PLEKHA7: variants seen among roughly 807,000 people sequenced by gnomAD.
PLEKHA7 encodes the protein pleckstrin homology domain containing A7, also known as pleckstrin homology domain-containing family A member 7.
PLEKHA7 carries 104 observed loss-of-function variants against 170.0 expected under a neutral mutation model. The observed-to-expected ratio is 0.61, with a 90% confidence interval of 0.52 to 0.72. The LOEUF is 0.72. PLEKHA7 is among the 30% of genes least tolerant of loss of function. The pLI is 0.00. For missense variants in PLEKHA7, 1,615 were observed against 1,671.7 expected, an observed-to-expected ratio of 0.97 and a Z score of 0.59; for synonymous variants, 648 against 660.8, an observed-to-expected ratio of 0.98 and a Z score of 0.30.
intron 4 of PLEKHA7, among the ~76,000 whole-genome samples, chr11:16,869,222 G>A (rs943375810): frequency 1.3e-5 from 2 of 152,148 alleles, no homozygotes; most frequent in African/African-American, 4.8e-5. Flanking sequence ...TAGTATTAAT[G>A]CTTCCAAAGT....
chr11:16,860,220 C>G (rs1853829021), intron 4 of PLEKHA7, among the ~76,000 whole-genome samples: 2 of 152,218 alleles, frequency 1.3e-5, no homozygotes, highest in African/African-American at 4.8e-5. Flanking sequence ...GACACTTTCT[C>G]TGTCCCTATA....
At chr11:16,976,268 G>A (rs1007874696) in intron 3 of PLEKHA7, among the ~76,000 whole-genome samples, 1 of 152,248 alleles carries the variant, frequency 6.6e-6, no homozygotes, top group Non-Finnish European at 1.5e-5. Context: ...AAGATCAGAG[G>A]CCATGCAATG....
At chr11:16,922,327 C>G (rs559361063) in intron 3 of PLEKHA7, among the ~76,000 whole-genome samples, 1 of 152,298 alleles carries the variant, frequency 6.6e-6, no homozygotes, top group South Asian at 2.1e-4. Flanking sequence ...ACAATTCTCA[C>G]AATTGTCCTG....
chr11:16,838,243 G>A (rs894069512), intron 9 of PLEKHA7, among the ~76,000 whole-genome samples: 1 of 152,126 alleles, frequency 6.6e-6, no homozygotes. Flanking sequence ...CATGGTGGCT[G>A]GTGACTGTCA....
intron 3 of PLEKHA7, among the ~76,000 whole-genome samples, chr11:16,988,225 G>C (rs117535244): frequency 6.6e-5 from 10 of 152,188 alleles, no homozygotes; most frequent in Non-Finnish European, 1.2e-4. Context: ...TCCTCCCACC[G>C]TACCTGAGGG....
At chr11:16,936,395 C>G (rs1860296125) in intron 3 of PLEKHA7, among the ~76,000 whole-genome samples, 1 of 50,550 alleles carries the variant, frequency 2.0e-5, no homozygotes, top group Non-Finnish European at 3.6e-5. Context: ...GCGTGAGACT[C>G]TGTCTCAAAA....
intron 9 of PLEKHA7, among the ~76,000 whole-genome samples, chr11:16,836,026 A>T (rs551173689): frequency 6.6e-6 from 1 of 152,222 alleles, no homozygotes; most frequent in East Asian, 1.9e-4. Context: ...AGGCCTCTGC[A>T]ATCAGCATGA....
Position 16,778,643 on chromosome 11 carries a change from C to T in PLEKHA7, c.*355G>A, listed in dbSNP as rs1848808396. ...TCCTGCCCCCACAACACCTGTCACC[C>T]AGAAGTACCTGAATCTGTACGTGCA... On this transcript the variant is annotated 3_prime_UTR_variant, in exon 27 of 27. Transcript: ENST00000531066. The T allele has an allele frequency of 3.5e-6, 1 of 285,834 alleles. No individual in the cohort carries two copies. Among genetic ancestry groups the T allele is most frequent in the Non-Finnish European group, 6.8e-6 (1 of 147,696 alleles). The allele number at this position is 285,834 out of a possible 1,614,324, so 17.7% of individuals were successfully genotyped here.
intron 3 of PLEKHA7, among the ~76,000 whole-genome samples, chr11:16,909,972 C>G (rs1435950845): frequency 6.6e-6 from 1 of 151,936 alleles, no homozygotes; most frequent in Non-Finnish European, 1.5e-5. Flanking sequence ...TAAAGAGATA[C>G]GGCAATGGCC....
chr11:16,963,306 C>T (rs1204991321), intron 3 of PLEKHA7, among the ~76,000 whole-genome samples: 1 of 152,140 alleles, frequency 6.6e-6, no homozygotes, highest in African/African-American at 2.4e-5. Context: ...CTGCAGGCTC[C>T]TTGTACCTTG....
At chr11:16,904,206 A>G (rs1857513295) in intron 3 of PLEKHA7, among the ~76,000 whole-genome samples, 1 of 152,002 alleles carries the variant, frequency 6.6e-6, no homozygotes, top group Non-Finnish European at 1.5e-5. Flanking sequence ...TCCTTCACAC[A>G]TGTCACCTCA....
At chr11:16,908,256 T>TAAA (rs56085929) in intron 3 of PLEKHA7, among the ~76,000 whole-genome samples, 3 of 104,526 alleles carry the variant, frequency 2.9e-5, no homozygotes, top group Non-Finnish European at 4.3e-5. Context: ...GAATGATCAA[T>TAAA]AAAAAAAAAA....
chr11:16,964,685 G>A (rs1862263921), intron 3 of PLEKHA7, among the ~76,000 whole-genome samples: 1 of 152,200 alleles, frequency 6.6e-6, no homozygotes, highest in South Asian at 2.1e-4. Context: ...TCCTGCTTCT[G>A]AAAATCAGAG....
At chr11:16,882,142 C>A (rs1855760990) in intron 3 of PLEKHA7, among the ~76,000 whole-genome samples, 1 of 152,162 alleles carries the variant, frequency 6.6e-6, no homozygotes, top group Admixed American at 6.5e-5. Flanking sequence ...TAGTGCCTGG[C>A]ACATAGTAGG....
intron 3 of PLEKHA7, among the ~76,000 whole-genome samples, chr11:16,910,308 A>G (rs1356341123): frequency 6.6e-6 from 1 of 152,242 alleles, no homozygotes; most frequent in East Asian, 1.9e-4. Flanking sequence ...ACACACCTAG[A>G]AAGCCCAGGG....
At chr11:16,885,648 A>C (rs1184169820) in intron 3 of PLEKHA7, among the ~76,000 whole-genome samples, 1 of 152,086 alleles carries the variant, frequency 6.6e-6, no homozygotes, top group Non-Finnish European at 1.5e-5. Flanking sequence ...TAAAAAAAAA[A>C]AATTATTCCA....
intron 3 of PLEKHA7, among the ~76,000 whole-genome samples, chr11:16,991,959 C>A (rs558007336): frequency 1.3e-5 from 2 of 152,276 alleles, no homozygotes; most frequent in African/African-American, 2.4e-5. Context: ...CAAAGCAGGG[C>A]AGGGCTGACA....
chr11:16,990,345 C>T (rs1863974829), intron 3 of PLEKHA7, among the ~76,000 whole-genome samples: 1 of 143,784 alleles, frequency 7.0e-6, no homozygotes, highest in Non-Finnish European at 1.5e-5. Context: ...AAGGAAGACA[C>T]ACCTGTTCAT....
intron 4 of PLEKHA7, among the ~76,000 whole-genome samples, chr11:16,865,669 C>T (rs1590388862): frequency 6.6e-6 from 1 of 151,590 alleles, no homozygotes; most frequent in South Asian, 2.1e-4. Flanking sequence ...TGCACTCCAG[C>T]CTGGGCAACA....
Sources: gnomAD v4.1 joint callset for allele counts (sites outside exome capture counted in the v4.1 genomes callset) on GRCh38, gnomAD v4.1.1 for gene constraint, MANE v1.5 for transcripts, NCBI Gene and HGNC (gene_info 2026-07-23, HGNC 2026-07-21) for gene names.